GPBP1L1: variants seen among roughly 807,000 people sequenced by gnomAD.
The protein encoded by GPBP1L1 is GC-rich promoter binding protein 1 like 1.
In GPBP1L1, 23 loss-of-function variants were observed where a neutral mutation model predicts 52.5. The observed-to-expected ratio is 0.44, with a 90% CI of 0.32 to 0.62. The LOEUF (loss-of-function observed/expected upper bound fraction) is 0.62, where lower values mean the gene tolerates loss of function less well. GPBP1L1 is among the 20% of genes least tolerant of loss of function. The pLI is 0.06. For synonymous variants in GPBP1L1, 243 were observed against 203.1 expected (o/e 1.20, Z -1.67); for missense variants, 596 against 579.3 (o/e 1.03, Z -0.30).
At chr1:45,653,581 A>C (rs1227670951) in intron 6 of GPBP1L1, among the ~76,000 whole-genome samples, 1 of 152,016 alleles carries the variant, frequency 6.6e-6, no homozygotes, top group African/African-American at 2.4e-5. Flanking sequence ...GCTGGTCTCA[A>C]ACTCCTGGCA....
At chr1:45,653,011 G>A (rs1644837469) in intron 6 of GPBP1L1, among the ~76,000 whole-genome samples, 1 of 152,088 alleles carries the variant, frequency 6.6e-6, no homozygotes, top group Non-Finnish European at 1.5e-5. Flanking sequence ...AGAACATTCT[G>A]GACAAATATT....
At chr1:45,636,979 TAA>T (rs142805920) in intron 8 of GPBP1L1, among the ~76,000 whole-genome samples, 43,066 of 152,000 alleles carry the variant, frequency 0.28, 6,212 homozygotes, top group South Asian at 0.37. Flanking sequence ...ATCCCAGGAT[TAA>T]AAGAGTAAAT....
rs1644933617 is a variant in GPBP1L1 at position 45,660,304 on chromosome 1, A to G, written c.-176T>C. 1 of 985,410 alleles carries G rather than the reference A, an allele frequency of 1.0e-6. No homozygotes were observed. Among genetic ancestry groups the G allele is most frequent in the Non-Finnish European group, 1.2e-6 (1 of 829,930 alleles). 61.0% of individuals were successfully genotyped at this position (985,410 alleles called of 1,614,324 possible). A position where few individuals can be genotyped will look rare whatever the true frequency, so the allele number is the denominator to read the frequency against. On this transcript the variant is annotated 5_prime_UTR_variant, in exon 3 of 13. Coordinates refer to ENST00000355105, the MANE Select transcript of GPBP1L1 (RefSeq NM_021639.5). The stretch of plus-strand genomic sequence containing the variant: ...TGGCCGGCAGCACGACTTATGATGA[A>G]GCACGAAGAAGCCAGGTTCTGTGTC...
chr1:45,629,463 C>CG lies in GPBP1L1; in HGVS notation c.1272+112_1272+113insC, dbSNP rs1185316991. ...ATTTCTACTAAGGTAATCCCCCCCC[C>CG]CCCCACCCGATCTTTCTCTCACATT... On this transcript the variant is annotated intron_variant, in intron 12 of 12. Coordinates refer to ENST00000355105, the MANE Select transcript of GPBP1L1 (RefSeq NM_021639.5). The CG allele has an allele frequency of 2.0e-4, 29 of 142,304 alleles. 2 individuals carry two copies. Among genetic ancestry groups the CG allele is most frequent in the African/African-American group, 3.5e-4 (12 of 34,672 alleles). 8.8% of individuals were successfully genotyped at this position (142,304 alleles called of 1,614,324 possible).
chr1:45,661,517 G>A (rs770733023), intron 2 of GPBP1L1, among the ~76,000 whole-genome samples: 6 of 150,060 alleles, frequency 4.0e-5, no homozygotes, highest in Non-Finnish European at 7.4e-5. Flanking sequence ...GTGCAATGTC[G>A]CCATCTCAGC....
chr1:45,685,452 T>C (rs535839582), intron 2 of GPBP1L1, 124 bp downstream of exon 2: 30 of 152,264 alleles, frequency 2.0e-4, no homozygotes, highest in African/African-American at 5.8e-4. Context: ...GAGCACGAAG[T>C]TGGCAGATAA....
chr1:45,629,734 A>AC, intron 11 of GPBP1L1, 56 bp from the exon 12 acceptor site: 1 of 1,107,992 alleles, frequency 9.0e-7, no homozygotes, highest in Non-Finnish European at 1.4e-6. Context: ...GCCTAAGTGA[A>AC]CAGCCCACCA....
chr1:45,648,577 A>G (rs145740249), intron 6 of GPBP1L1, among the ~76,000 whole-genome samples: 1 of 152,190 alleles, frequency 6.6e-6, no homozygotes, highest in African/African-American at 2.4e-5. Flanking sequence ...CACAAATGCT[A>G]GTATTAACCA....
chr1:45,664,482 C>G (rs914551028), intron 2 of GPBP1L1, among the ~76,000 whole-genome samples: 3 of 151,918 alleles, frequency 2.0e-5, no homozygotes, highest in African/African-American at 7.2e-5. Flanking sequence ...AGGAGAATGG[C>G]GTGAACCCGG....
chr1:45,659,224 T>C lies in GPBP1L1; in HGVS notation c.-55-82A>G, dbSNP rs138501261. Reference sequence around the variant, plus strand: ...AAAGGAATCTGTAATTATTCTAAGATTCCTCTTTACAGAAAGACCTGCCCT... The same window carrying C: ...AAAGGAATCTGTAATTATTCTAAGACTCCTCTTTACAGAAAGACCTGCCCT... On this transcript the variant is annotated intron_variant, in intron 3 of 12. Coordinates refer to ENST00000355105, the MANE Select transcript of GPBP1L1 (RefSeq NM_021639.5). 6.4e-4 allele frequency: 515 copies of C among 809,918 alleles called. 3 individuals carry two copies. Among genetic ancestry groups the C allele is most frequent in the African/African-American group, 5.8e-3 (339 of 58,302 alleles). The allele number at this position is 809,918 out of a possible 1,614,324, so 50.2% of individuals were successfully genotyped here.
intron 8 of GPBP1L1, among the ~76,000 whole-genome samples, chr1:45,637,543 G>GTTTTTTTTTTTT (rs1553179402): frequency 1.8e-4 from 18 of 98,606 alleles, no homozygotes; most frequent in East Asian, 6.5e-4. Flanking sequence ...CTTTATATTA[G>GTTTTTTTTTTTT]TTTTCCAATC....
chr1:45,676,434 C>G (rs898717390), intron 2 of GPBP1L1, among the ~76,000 whole-genome samples: 4 of 151,844 alleles, frequency 2.6e-5, no homozygotes, highest in Non-Finnish European at 5.9e-5. Context: ...GACCCCATCT[C>G]TACAAAAAAA....
At chr1:45,661,468 T>C (rs961320076) in intron 2 of GPBP1L1, among the ~76,000 whole-genome samples, 4 of 152,042 alleles carry the variant, frequency 2.6e-5, no homozygotes, top group African/African-American at 9.7e-5. Flanking sequence ...TTTTTTTTTT[T>C]TTTGGAGATG....
rs759865583 is a variant in GPBP1L1 at position 45,655,233 on chromosome 1, G to A, written c.147C>T (p.Ser49=). Residue 49 remains serine (S), a synonymous_variant, in exon 5 of 13, where the codon TCC becomes TCT. Coordinates refer to ENST00000355105, the MANE Select transcript of GPBP1L1 (RefSeq NM_021639.5). ...RFGVSRRRHN[S]SDGFFNNGPL... ...GACCATTGTTAAAAAAACCATCAGAGGAATTATGTCGACGGCGGCTTACTC... is the reference window on the plus strand; with the variant it reads ...GACCATTGTTAAAAAAACCATCAGAAGAATTATGTCGACGGCGGCTTACTC... The A allele has an allele frequency of 2.5e-6, 4 of 1,614,014 alleles. No individual in the cohort carries two copies. The highest frequency in any genetic ancestry group is 2.7e-5 in the African/African-American group (2 of 74,908).
chr1:45,641,288 C>G (rs920703741), intron 7 of GPBP1L1, among the ~76,000 whole-genome samples: 2 of 152,070 alleles, frequency 1.3e-5, no homozygotes, highest in African/African-American at 2.4e-5. Flanking sequence ...CCAGGAGAGT[C>G]CAATTTGTAA....
chr1:45,675,749 C>T (rs1342913271), intron 2 of GPBP1L1, among the ~76,000 whole-genome samples: 36 of 152,124 alleles, frequency 2.4e-4, no homozygotes, highest in Non-Finnish European at 5.9e-5. Flanking sequence ...CCATGTTGCC[C>T]AGGCTGGTCT....
rs114388237 is a variant in GPBP1L1 at position 45,671,785 on chromosome 1, C to A, written c.-1097-10560G>T. Among the ~76,000 whole-genome samples the A allele has an allele frequency of 5.1e-3, 771 of 152,140 alleles. 7 individuals carry two copies. Among genetic ancestry groups the A allele is most frequent in the African/African-American group, 0.017 (726 of 41,524 alleles). On this transcript the variant is annotated intron_variant, in intron 2 of 12. Transcript: ENST00000355105. ...GCCGCAGTGAGCAGAGATGGCATCA[C>A]TGCACTCCAGGCCTGGGTGACAGAG...
chr1:45,680,235 C>A (rs901969362), intron 2 of GPBP1L1, among the ~76,000 whole-genome samples: 1 of 130,144 alleles, frequency 7.7e-6, no homozygotes, highest in Non-Finnish European at 1.6e-5. Context: ...TTGAGACACG[C>A]TTTTTTTTTT....
chr1:45,681,824 CA>C lies in GPBP1L1; in HGVS notation c.-1098+3751del, dbSNP rs547424744. Among the ~76,000 whole-genome samples, 326 of 152,316 alleles carry C rather than the reference CA, an allele frequency of 2.1e-3. 1 individual carries two copies. Among genetic ancestry groups the C allele is most frequent in the African/African-American group, 7.3e-3 (303 of 41,568 alleles). On this transcript the variant is annotated intron_variant, in intron 2 of 12. Transcript: ENST00000355105. ...AAGCAGCAAAGCTGAGATTCGAACCCAAATGGTCTGGCTACAAAGCCAACCA... is the reference window on the plus strand; with the variant it reads ...AAGCAGCAAAGCTGAGATTCGAACCCAATGGTCTGGCTACAAAGCCAACCA...
Sources: allele counts gnomAD v4.1 joint callset (sites outside exome capture counted in the v4.1 genomes callset), GRCh38; gene constraint gnomAD v4.1.1; transcripts MANE v1.5; gene names NCBI Gene and HGNC (gene_info 2026-07-23, HGNC 2026-07-21).